BTN3A1: variants seen among roughly 807,000 people sequenced by gnomAD.
BTN3A1 encodes the protein butyrophilin subfamily 3 member A1, also known as dJ45P21.3 (butyrophilin, subfamily 3, member A1).
BTN3A1 carries 24 observed loss-of-function variants against 43.0 expected under a neutral mutation model. That is an observed-to-expected ratio of 0.56 (90% CI 0.40 to 0.78). The LOEUF (loss-of-function observed/expected upper bound fraction) is 0.78, where lower values mean the gene tolerates loss of function less well. Among genes scored for constraint, BTN3A1 ranks in the 30% least tolerant of loss-of-function variants. The pLI is 0.00. For synonymous variants in BTN3A1, 181 were observed against 234.7 expected (o/e 0.77, Z 2.09); for missense variants, 533 against 626.2 (o/e 0.85, Z 1.59).
chr6:26,406,377 C>T (rs1762021090), intron 3 of BTN3A1, 121 bp downstream of exon 3: 1 of 596,568 alleles, frequency 1.7e-6, no homozygotes, highest in Non-Finnish European at 2.9e-6. Flanking sequence ...CCTGCACTGC[C>T]TCCCAACTTA....
intron 1 of BTN3A1, among the ~76,000 whole-genome samples, chr6:26,403,262 C>G (rs187167107): frequency 4.7e-4 from 72 of 152,064 alleles, no homozygotes; most frequent in South Asian, 1.0e-3. Context: ...TTCGGAGTTT[C>G]GCCATATTGT....
intron 4 of BTN3A1, among the ~76,000 whole-genome samples, chr6:26,408,673 A>G (rs1409520625): frequency 6.6e-6 from 1 of 152,258 alleles, no homozygotes; most frequent in Non-Finnish European, 1.5e-5. Context: ...TGATCCATGT[A>G]AAAAGTTATT....
chr6:26,414,204 C>T lies in BTN3A1; in HGVS notation c.*512C>T, dbSNP rs971366176. 3 of 171,058 alleles carry T rather than the reference C, an allele frequency of 1.8e-5. No homozygotes were observed. Among genetic ancestry groups the T allele is most frequent in the Admixed American group, 1.7e-4 (3 of 17,738 alleles). The allele number at this position is 171,058 out of a possible 1,614,324, so 10.6% of individuals were successfully genotyped here. A position where few individuals can be genotyped will look rare whatever the true frequency, so the allele number is the denominator to read the frequency against. On this transcript the variant is annotated 3_prime_UTR_variant, in exon 10 of 10. Transcript: ENST00000289361. ...AGGCAGGGCAACATTAAGCAACTTA[C>T]ATAACTCATGCAGTAATTTCTGCAG... is the stretch of plus-strand genomic sequence containing the variant.
In BTN3A1 at chr6:26,409,600, G is replaced by A. The variant is rs1420483578; in HGVS notation, c.783G>A (p.Leu261=). ...CAGGGACCCTGCCTGTCTTGCTGCT[G>A]CTTCTTGGGGGAGCCGGTTACTTCC... ...ALAGTLPVLL[L]LLGGAGYFLW... is the part of the protein sequence containing the mutation. The change falls in exon 5 of 10, where the codon CTG becomes CTA. Residue 261 remains leucine, a synonymous_variant. Coordinates refer to ENST00000289361, the MANE Select transcript of BTN3A1 (RefSeq NM_007048.6). 1 of 1,613,138 alleles carries A rather than the reference G, an allele frequency of 6.2e-7. No individual in the cohort carries two copies. Among genetic ancestry groups the A allele is most frequent in the Non-Finnish European group, 8.5e-7 (1 of 1,179,794 alleles).
chr6:26,412,206 T>A (rs1762244111), intron 9 of BTN3A1: 1 of 528,538 alleles, frequency 1.9e-6, no homozygotes, highest in Non-Finnish European at 3.4e-6. Context: ...TTCCCAACAG[T>A]GGGGAGCTGT....
At chr6:26,413,007 C>T (rs6920986) in intron 9 of BTN3A1, 162 bp from the exon 10 acceptor site, 230,694 of 1,466,518 alleles carry the variant, frequency 0.16, 19,171 homozygotes, top group South Asian at 0.23. Context: ...ATACCTGGGG[C>T]TTTCTCTCCT....
intron 3 of BTN3A1, among the ~76,000 whole-genome samples, chr6:26,406,923 A>G (rs1032730329): frequency 1.4e-4 from 22 of 152,204 alleles, no homozygotes; most frequent in African/African-American, 5.1e-4. Flanking sequence ...ACCTTAATCA[A>G]TCTTATCTAG....
At chr6:26,408,035 C>A in intron 4 of BTN3A1, 83 bp downstream of exon 4, 1 of 1,574,894 alleles carries the variant, frequency 6.3e-7, no homozygotes, top group South Asian at 1.2e-5. Flanking sequence ...CTGCAGTCAA[C>A]CTGGGTCTCT....
At chr6:26,403,000 A>G (rs924182029) in intron 1 of BTN3A1, among the ~76,000 whole-genome samples, 1 of 152,222 alleles carries the variant, frequency 6.6e-6, no homozygotes, top group Admixed American at 6.5e-5. Context: ...CCTTTTATTC[A>G]TCATTTCCCC....
rs1201438027 is a variant in BTN3A1, at chr6:26,407,749, G to T, written c.512G>T (p.Trp171Leu). Residue 171 changes from tryptophan to leucine, a missense_variant, in exon 4 of 10, where the codon TGG becomes TTG. Coordinates refer to ENST00000289361, the MANE Select transcript of BTN3A1 (RefSeq NM_007048.6). ...GIHLECRSTG[W>L]YPQPQIQWSN... ...CATCTGGAGTGCAGGTCCACTGGCT[G>T]GTACCCCCAACCCCAAATACAGTGG... 14 of 1,614,080 alleles carry T rather than the reference G, an allele frequency of 8.7e-6. No homozygotes were observed. Among genetic ancestry groups the T allele is most frequent in the Non-Finnish European group, 1.0e-5 (12 of 1,180,044 alleles).
intron 1 of BTN3A1, among the ~76,000 whole-genome samples, chr6:26,403,028 A>C (rs1049150219): frequency 6.6e-6 from 1 of 152,196 alleles, no homozygotes; most frequent in South Asian, 2.1e-4. Context: ...AACGAATGCT[A>C]TCCAATGGAT....
Position 26,414,030 on chromosome 6 carries a change from C to T in BTN3A1, c.*338C>T. 1 of 361,712 alleles carries T rather than the reference C, an allele frequency of 2.8e-6. No homozygotes were observed. The highest frequency in any genetic ancestry group is 2.4e-5 in the South Asian group (1 of 41,364). The allele number at this position is 361,712 out of a possible 1,614,324, so 22.4% of individuals were successfully genotyped here. On this transcript the variant is annotated 3_prime_UTR_variant, in exon 10 of 10. Transcript: ENST00000289361. ...CTACAAAGTAGACATGACTAGTTAA[C>T]AACACAGCTGGGATCTAAACAGCAA...
intron 9 of BTN3A1, 172 bp downstream of exon 9, chr6:26,411,753 C>T (rs1223471960): frequency 1.3e-6 from 1 of 783,512 alleles, no homozygotes; most frequent in Non-Finnish European, 2.0e-6. Flanking sequence ...TCTCCAAGAC[C>T]CTTTCTGCTG....
intron 4 of BTN3A1, among the ~76,000 whole-genome samples, chr6:26,408,532 T>C (rs1473663607): frequency 1.3e-5 from 2 of 152,218 alleles, no homozygotes; most frequent in South Asian, 4.1e-4. Context: ...GGATGACTTG[T>C]ATTTTTGGTG....
chr6:26,402,839 C>T (rs1306059739), intron 1 of BTN3A1, among the ~76,000 whole-genome samples: 1 of 152,128 alleles, frequency 6.6e-6, no homozygotes, highest in Non-Finnish European at 1.5e-5. Flanking sequence ...GGGGGATAGA[C>T]AAACAATGCA....
Position 26,413,323 on chromosome 6 carries a change from A to G in BTN3A1, c.1173A>G (p.Ile391Met). The change falls in exon 10 of 10, where the codon ATA (isoleucine) becomes ATG (methionine). Residue 391 changes from isoleucine (I) to methionine (M), a missense_variant. Transcript: ENST00000289361. ...GTGTTCTCGGCTGTGAGAGCTTCATATCAGGGAGACATTACTGGGAGGTGG... is the reference window on the plus strand; with the variant it reads ...GTGTTCTCGGCTGTGAGAGCTTCATGTCAGGGAGACATTACTGGGAGGTGG... ...HYCVLGCESF[I>M]SGRHYWEVEV... 2 of 1,614,198 alleles carry G rather than the reference A, an allele frequency of 1.2e-6. No homozygotes were observed. Among genetic ancestry groups the G allele is most frequent in the Non-Finnish European group, 1.7e-6 (2 of 1,180,030 alleles).
intron 9 of BTN3A1, 171 bp from the exon 10 acceptor site, chr6:26,412,998 T>C (rs1397750395): frequency 2.1e-6 from 3 of 1,463,074 alleles, no homozygotes; most frequent in South Asian, 1.5e-5. Context: ...AGATACCTGA[T>C]ACCTGGGGCT....
Position 26,407,604 on chromosome 6 carries a change from T to C in BTN3A1, c.434-67T>C, listed in dbSNP as rs150436980. 5,554 of 1,540,672 alleles carry C rather than the reference T, an allele frequency of 3.6e-3. 127 individuals are homozygous for C. In the African/African-American group the frequency reaches 0.057, roughly 16 times the overall value. On this transcript the variant is annotated intron_variant, in intron 3 of 9. Coordinates refer to ENST00000289361, the MANE Select transcript of BTN3A1 (RefSeq NM_007048.6). ...TGAATTATGGAATGTGAGTGTGCCA[T>C]GATTCCTTTTGAGACCCTCTCTGAT...
rs772492852 is a variant in BTN3A1, at chr6:26,406,018, G to A, written c.195G>A (p.Leu65=). Residue 65 remains leucine, a synonymous_variant, in exon 3 of 10, where the codon CTG becomes CTA. Transcript: ENST00000289361. ...CCATGAGTGCAGAGACCATGGAGCTGAAGTGGGTGAGTTCCAGCCTAAGGC... is the reference window on the plus strand; with the variant it reads ...CCATGAGTGCAGAGACCATGGAGCTAAAGTGGGTGAGTTCCAGCCTAAGGC... ...FPTMSAETME[L]KWVSSSLRQV... 3 of 1,612,046 alleles carry A rather than the reference G, an allele frequency of 1.9e-6. No homozygotes were observed. The African/African-American group carries it at 4.1e-5, about 22-fold the overall frequency.
Sources: gnomAD v4.1 joint callset for allele counts (sites outside exome capture counted in the v4.1 genomes callset) on GRCh38, gnomAD v4.1.1 for gene constraint, MANE v1.5 for transcripts, NCBI Gene and HGNC (gene_info 2026-07-23, HGNC 2026-07-21) for gene names.